Variants in COL5A1 observed in about 807,000 individuals in gnomAD.
COL5A1 encodes collagen alpha-1(V) chain.
Under a neutral mutation model 263.7 loss-of-function variants are expected in COL5A1, and 16 were observed. That is an observed-to-expected ratio of 0.06 (90% CI 0.04 to 0.09). COL5A1 has a LOEUF of 0.09. Among genes scored for constraint, COL5A1 ranks in the 10% least tolerant of loss-of-function variants. The probability of loss-of-function intolerance (pLI) is 1.00; values close to 1 mark genes in which losing one functional copy is unlikely to be tolerated. For missense variants in COL5A1, 2,036 were observed against 2,540.5 expected (o/e 0.80, Z 4.27); for synonymous variants, 1,012 against 1,004.5 (o/e 1.01, Z -0.14).
At position 134,842,148 on chromosome 9, in the gene COL5A1, C is replaced by T. The variant is rs1830123806; in HGVS notation, c.5371-9C>T. On this transcript the variant is annotated splice_polypyrimidine_tract_variant and intron_variant, in intron 65 of 65. Transcript: ENST00000371817. This position sits in a 1 kb window ranked among gnomAD's most constrained non-coding sequence, Gnocchi z 5.8. Reference sequence around the variant, plus strand: ...TTAACCACCGGCCATCTGTCTCCCTCTTCCCCAGACCAAGAAAGGCTACCA... The same window carrying T: ...TTAACCACCGGCCATCTGTCTCCCTTTTCCCCAGACCAAGAAAGGCTACCA... 6.2e-7 allele frequency: 1 copy of T among 1,614,170 alleles called. No individual in the cohort carries two copies.
In COL5A1 at chr9:134,760,369, ACACCACACAT is replaced by A. The variant is rs1564440064; in HGVS notation, c.1936-1555_1936-1546del. ...CCCACACACCCCCACACATACACAC[ACACCACACAT>A]GCATACACACCCCCACACCCCCACA... On this transcript the variant is annotated intron_variant, in intron 18 of 65. Transcript: ENST00000371817. Among the ~76,000 whole-genome samples, 8 of 68,514 alleles carry A rather than the reference ACACCACACAT, an allele frequency of 1.2e-4. No homozygotes were observed. In the East Asian group the frequency reaches 4.6e-3, roughly 40 times the overall value. 44.9% of individuals were successfully genotyped at this position (68,514 alleles called of 152,430 possible).
At position 134,835,275 on chromosome 9, in the gene COL5A1, G is replaced by A. The variant is rs564433405; in HGVS notation, c.5370+71G>A. On this transcript the variant is annotated intron_variant, in intron 65 of 65. Transcript: ENST00000371817. ...GGGGCTCGCTCCTCACTCAGCACGG[G>A]TTTACCTGTCCCCAAGATGCCTGCC... 6.6e-4 allele frequency: 907 copies of A among 1,382,108 alleles called. 4 individuals carry two copies. Among genetic ancestry groups the A allele is most frequent in the South Asian group, 1.9e-3 (161 of 82,764 alleles). The allele number at this position is 1,382,108 out of a possible 1,614,324, so 85.6% of individuals were successfully genotyped here. A position where few individuals can be genotyped will look rare whatever the true frequency, so the allele number is the denominator to read the frequency against.
intron 1 of COL5A1, among the ~76,000 whole-genome samples, chr9:134,663,772 A>G (rs1832278560): frequency 6.6e-6 from 1 of 152,200 alleles, no homozygotes; most frequent in South Asian, 2.1e-4. Flanking sequence ...ATGCCACATT[A>G]GAGTGCAGGC....
In COL5A1 at chr9:134,652,820, C is replaced by G; in HGVS notation, c.109+10524C>G. ...AGCAGTTCCCAAACTTTACCAGGCCCCAGAATCCCCCCGAGGCCTCTCTTA... is the reference window on the plus strand; with the variant it reads ...AGCAGTTCCCAAACTTTACCAGGCCGCAGAATCCCCCCGAGGCCTCTCTTA... On this transcript the variant is annotated intron_variant, in intron 1 of 65. Transcript: ENST00000371817. The surrounding 1 kb of genome is among the most constrained non-coding windows in gnomAD (Gnocchi z 4.4). The G allele has an allele frequency of 2.2e-6, 1 of 446,224 alleles. No homozygotes were observed. The highest frequency in any genetic ancestry group is 2.5e-5 in the Admixed American group (1 of 40,566). 27.6% of individuals were successfully genotyped at this position (446,224 alleles called of 1,614,324 possible).
rs762624092 is a variant in COL5A1, at chr9:134,730,308, G to A, written c.997G>A (p.Val333Ile). Residue 333 changes from valine (V) to isoleucine (I), a missense_variant, in exon 7 of 66, where the codon GTC becomes ATC. Physicochemically the swap from Val to Ile is conservative, Grantham distance 29. Coordinates refer to ENST00000371817, the MANE Select transcript of COL5A1 (RefSeq NM_000093.5). ...TSEGAGKEED[V>I]GIGDYDYVPS... Reference sequence around the variant, plus strand: ...TGAAGGGGCTGGGAAGGAAGAGGACGTCGGCATCGGGGACTATGACTACGT... The same window carrying A: ...TGAAGGGGCTGGGAAGGAAGAGGACATCGGCATCGGGGACTATGACTACGT... 2.0e-5 allele frequency: 33 copies of A among 1,614,114 alleles called. No homozygotes were observed. Among genetic ancestry groups the A allele is most frequent in the African/African-American group, 5.3e-5 (4 of 74,942 alleles).
intron 39 of COL5A1, among the ~76,000 whole-genome samples, chr9:134,804,516 A>G (rs1007415856): frequency 5.3e-5 from 8 of 152,234 alleles, no homozygotes; most frequent in African/African-American, 1.9e-4. Context: ...TGGAAAAGAT[A>G]GACGTGCCCT....
intron 4 of COL5A1, among the ~76,000 whole-genome samples, chr9:134,707,982 G>A (rs561156351): frequency 1.8e-4 from 28 of 152,326 alleles, no homozygotes; most frequent in Non-Finnish European, 3.5e-4. Flanking sequence ...CCTCCTGGTC[G>A]GGGGAGGGCT....
At chr9:134,756,636 G>A (rs976473796) in intron 16 of COL5A1, 129 bp from the exon 17 acceptor site, 9 of 1,021,010 alleles carry the variant, frequency 8.8e-6, no homozygotes, top group African/African-American at 4.7e-5. Context: ...CCGGCCACTC[G>A]GGCTGTGACC....
chr9:134,811,679 C>T, intron 46 of COL5A1, 80 bp downstream of exon 46: 1 of 1,240,788 alleles, frequency 8.1e-7, no homozygotes, highest in Non-Finnish European at 1.2e-6. Flanking sequence ...CTCCTCTTGT[C>T]TTTTTAAGAA....
At chr9:134,763,362 C>T (rs1035084636) in intron 19 of COL5A1, among the ~76,000 whole-genome samples, 2 of 152,176 alleles carry the variant, frequency 1.3e-5, no homozygotes, top group African/African-American at 4.8e-5. Flanking sequence ...CCCCTGATGC[C>T]CTGTCCTGCC....
chr9:134,668,682 A>G (rs114109095), intron 1 of COL5A1, among the ~76,000 whole-genome samples: 4,103 of 152,096 alleles, frequency 0.027, 186 homozygotes, highest in African/African-American at 0.095. Context: ...CCACTCACCC[A>G]TCCATCCAAC....
intron 11 of COL5A1, among the ~76,000 whole-genome samples, chr9:134,743,351 C>T (rs943248124): frequency 6.6e-6 from 1 of 152,216 alleles, no homozygotes; most frequent in Non-Finnish European, 1.5e-5. Flanking sequence ...CTCCCGAGAG[C>T]GCCAGCTGGT....
At chr9:134,720,233 AC>A (rs1281014518) in intron 4 of COL5A1, among the ~76,000 whole-genome samples, 1 of 151,970 alleles carries the variant, frequency 6.6e-6, no homozygotes, top group East Asian at 1.9e-4. Context: ...GCGCGTTGTG[AC>A]CCAGCCCCAA....
At chr9:134,811,270 G>A (rs1172997104) in intron 44 of COL5A1, 69 bp from the exon 45 acceptor site, 30 of 1,441,092 alleles carry the variant, frequency 2.1e-5, no homozygotes, top group Middle Eastern at 3.5e-4. Context: ...CTCAGGATGC[G>A]GTCCACCCCT....
At chr9:134,679,158 G>T (rs934313308) in intron 1 of COL5A1, among the ~76,000 whole-genome samples, 3 of 152,150 alleles carry the variant, frequency 2.0e-5, no homozygotes, top group African/African-American at 7.2e-5. Flanking sequence ...GGGCCTCCTT[G>T]TCTTGTGTCT....
chr9:134,816,089 T>G (rs1838733245), intron 52 of COL5A1, 101 bp downstream of exon 52: 1 of 1,078,194 alleles, frequency 9.3e-7, no homozygotes. Context: ...TCCAACCTAG[T>G]TGATATTGAT....
chr9:134,819,170 C>T (rs1409266117), intron 57 of COL5A1, 117 bp downstream of exon 57: 10 of 1,127,360 alleles, frequency 8.9e-6, no homozygotes, highest in Non-Finnish European at 1.3e-5. Context: ...GCACCTGCTG[C>T]AGGCTGGTGG....
chr9:134,733,776 G>GGCTA (rs1834991912), intron 9 of COL5A1, among the ~76,000 whole-genome samples: 1 of 152,218 alleles, frequency 6.6e-6, no homozygotes, highest in Non-Finnish European at 1.5e-5. Flanking sequence ...CAACAGCAGA[G>GGCTA]GCTACATCCA....
chr9:134,767,420 T>G lies in COL5A1; in HGVS notation c.2232+66T>G. On this transcript the variant is annotated intron_variant, in intron 24 of 65. Coordinates refer to ENST00000371817, the MANE Select transcript of COL5A1 (RefSeq NM_000093.5). ...GCAGGTGGATTCCCTGGCCCCACCCTGGGAGGACCCCTGGTATCCACCAGC... is the reference window on the plus strand; with the variant it reads ...GCAGGTGGATTCCCTGGCCCCACCCGGGGAGGACCCCTGGTATCCACCAGC... 6.2e-6 allele frequency: 9 copies of G among 1,446,918 alleles called. No homozygotes were observed. In the South Asian group the frequency reaches 1.0e-4, roughly 17 times the overall value. 89.6% of individuals were successfully genotyped at this position (1,446,918 alleles called of 1,614,324 possible).
Sources: allele counts gnomAD v4.1 joint callset (sites outside exome capture counted in the v4.1 genomes callset), GRCh38; gene constraint gnomAD v4.1.1; non-coding constraint Gnocchi (gnomAD v3.1); transcripts MANE v1.5; gene names NCBI Gene and HGNC (gene_info 2026-07-23, HGNC 2026-07-21).